DDIAS: variants seen among roughly 807,000 people sequenced by gnomAD.
DDIAS encodes DNA damage-induced apoptosis suppressor protein.
In DDIAS, 14 loss-of-function variants were observed where a neutral mutation model predicts 15.7. That is an observed-to-expected ratio of 0.89 (90% CI 0.59 to 1.39). The LOEUF (loss-of-function observed/expected upper bound fraction) is 1.39. Ranked by LOEUF, DDIAS falls within the 40% of genes most tolerant of loss-of-function variation. DDIAS has a pLI of 0.00. For missense variants in DDIAS, 1,035 were observed against 1,130.9 expected (o/e 0.92, Z 1.22); for synonymous variants, 355 against 395.9 (o/e 0.90, Z 1.23).
In DDIAS at chr11:82,929,046, T is replaced by C. The variant is rs533541240; in HGVS notation, c.275+108T>C. 6.9e-5 allele frequency: 87 copies of C among 1,254,758 alleles called. No homozygotes were observed. In the African/African-American group the frequency reaches 1.1e-3, roughly 16 times the overall value. 77.7% of individuals were successfully genotyped at this position (1,254,758 alleles called of 1,614,324 possible). A position where few individuals can be genotyped will look rare whatever the true frequency, so the allele number is the denominator to read the frequency against. Reference sequence around the variant, plus strand: ...AGAAAGATAATCATTCAACCCCAGATTGTCAATTCCTTTAAAAGACAAGCA... The same window carrying C: ...AGAAAGATAATCATTCAACCCCAGACTGTCAATTCCTTTAAAAGACAAGCA... On this transcript the variant is annotated intron_variant, in intron 4 of 5. Coordinates refer to ENST00000533655, the MANE Select transcript of DDIAS (RefSeq NM_145018.4).
intron 3 of DDIAS, among the ~76,000 whole-genome samples, chr11:82,927,679 T>C (rs898904132): frequency 6.6e-6 from 1 of 152,192 alleles, no homozygotes; most frequent in Non-Finnish European, 1.5e-5. Flanking sequence ...TTAACCTAAC[T>C]GAGGGGTGGA....
intron 1 of DDIAS, among the ~76,000 whole-genome samples, chr11:82,905,856 A>G (rs1018872428): frequency 1.3e-5 from 2 of 152,204 alleles, no homozygotes; most frequent in African/African-American, 4.8e-5. Context: ...ATGGAGCTGA[A>G]AGAAATGTAA....
At chr11:82,923,862 T>C (rs1860806152) in intron 3 of DDIAS, among the ~76,000 whole-genome samples, 1 of 152,164 alleles carries the variant, frequency 6.6e-6, no homozygotes, top group Non-Finnish European at 1.5e-5. Flanking sequence ...TATGAAGCAG[T>C]AACTACACAT....
intron 1 of DDIAS, among the ~76,000 whole-genome samples, chr11:82,909,709 G>A (rs1860489475): frequency 1.3e-5 from 2 of 152,088 alleles, no homozygotes; most frequent in African/African-American, 4.8e-5. Flanking sequence ...CTTTGAGATT[G>A]CCATGTAGCC....
At position 82,915,852 on chromosome 11, in the gene DDIAS, T is replaced by G. The variant is rs139824858; in HGVS notation, c.113+1001T>G. Among the ~76,000 whole-genome samples the G allele has an allele frequency of 7.9e-5, 12 of 152,212 alleles. 1 individual carries two copies. Among genetic ancestry groups the G allele is most frequent in the African/African-American group, 2.9e-4 (12 of 41,470 alleles). On this transcript the variant is annotated intron_variant, in intron 3 of 5. Transcript: ENST00000533655. ...GGGCTATTTGCCTTTCATCAAAATC[T>G]GTACTTAGAAGCAGTGTGGTATACA...
chr11:82,915,967 T>C (rs890911347), intron 3 of DDIAS, among the ~76,000 whole-genome samples: 1 of 152,214 alleles, frequency 6.6e-6, no homozygotes, highest in Non-Finnish European at 1.5e-5. Flanking sequence ...ATCAACGTTA[T>C]AATGATGTTG....
intron 1 of DDIAS, chr11:82,909,149 C>T (rs779972268): frequency 8.5e-5 from 13 of 152,230 alleles, no homozygotes; most frequent in Non-Finnish European, 1.8e-4. Context: ...TGCTGGCTGC[C>T]CATTTTTATG....
chr11:82,902,114 T>C (rs1341310070), intron 1 of DDIAS, among the ~76,000 whole-genome samples: 2 of 152,226 alleles, frequency 1.3e-5, no homozygotes, highest in African/African-American at 4.8e-5. Context: ...GGCGCGACTC[T>C]TGCTTCTGTA....
chr11:82,902,517 C>T (rs1287818954), intron 1 of DDIAS, among the ~76,000 whole-genome samples: 2 of 151,958 alleles, frequency 1.3e-5, no homozygotes, highest in Non-Finnish European at 2.9e-5. Flanking sequence ...ACCTTTCAGT[C>T]GCTCCTATTT....
intron 3 of DDIAS, among the ~76,000 whole-genome samples, chr11:82,917,350 T>C (rs1181012521): frequency 2.6e-5 from 4 of 152,010 alleles, no homozygotes; most frequent in African/African-American, 9.7e-5. Context: ...TCTTATGCTT[T>C]TGCATCCTCA....
Position 82,930,163 on chromosome 11 carries a change from T to G in DDIAS, c.282T>G (p.Ile94Met). Reference protein sequence around the residue: ...GLTATGLHRYIQDPNKIPETL... With the variant: ...GLTATGLHRYMQDPNKIPETL... ...TACTTTTTTTCCAATCAAGGTACAT[T>G]CAGGATCCTAATAAAATTCCAGAAA... The change falls in exon 5 of 6, where the codon ATT (isoleucine) becomes ATG (methionine). Residue 94 changes from isoleucine (I) to methionine (M), a missense_variant. Physicochemically the swap from Ile to Met is conservative, Grantham distance 10 (BLOSUM62 1). Transcript: ENST00000533655. The G allele has an allele frequency of 6.4e-7, 1 of 1,564,292 alleles. No individual in the cohort carries two copies. Among genetic ancestry groups the G allele is most frequent in the South Asian group, 1.2e-5 (1 of 86,870 alleles).
intron 5 of DDIAS, 133 bp downstream of exon 5, chr11:82,930,407 A>T (rs1860957948): frequency 3.1e-6 from 2 of 644,752 alleles, no homozygotes; most frequent in African/African-American, 3.8e-5. Flanking sequence ...CTATGTAAAA[A>T]TAGCCTATAG....
At chr11:82,921,253 G>T (rs934051112) in intron 3 of DDIAS, among the ~76,000 whole-genome samples, 1 of 152,134 alleles carries the variant, frequency 6.6e-6, no homozygotes, top group African/African-American at 2.4e-5. Context: ...TGATGTTTAT[G>T]TGAGTCCTTA....
intron 1 of DDIAS, among the ~76,000 whole-genome samples, chr11:82,908,145 C>T (rs748215161): frequency 4.6e-5 from 7 of 152,094 alleles, no homozygotes; most frequent in Non-Finnish European, 7.4e-5. Context: ...AATAAAGAAC[C>T]GACTATTCCA....
intron 1 of DDIAS, among the ~76,000 whole-genome samples, chr11:82,906,045 T>TAG (rs1321508278): frequency 6.6e-6 from 1 of 151,944 alleles, no homozygotes; most frequent in African/African-American, 2.4e-5. Context: ...AGTCAAGCAG[T>TAG]AGAGAGAGAC....
Position 82,930,256 on chromosome 11 carries a change from C to G in DDIAS, c.375C>G (p.Ser125Arg). 2 of 1,580,754 alleles carry G rather than the reference C, an allele frequency of 1.3e-6. No individual in the cohort carries two copies. The highest frequency in any genetic ancestry group is 1.7e-6 in the Non-Finnish European group (2 of 1,155,146). ...TTGAAACTTGCTTTGTTGGACAAAG[C>G]TTTATTTTTGGAGTGACGGTAATTG... ...KAVETCFVGQ[S>R]FIFGVTNFEN... The change falls in exon 5 of 6, where the codon AGC (serine) becomes AGG (arginine). Residue 125 changes from serine to arginine, a missense_variant. Ser to Arg is a moderately radical substitution (Grantham distance 110, BLOSUM62 -1). Coordinates refer to ENST00000533655, the MANE Select transcript of DDIAS (RefSeq NM_145018.4).
chr11:82,932,241 T>A lies in DDIAS; in HGVS notation c.903T>A (p.Tyr301Ter). 1 of 1,613,732 alleles carries A rather than the reference T, an allele frequency of 6.2e-7. No individual in the cohort carries two copies. Among genetic ancestry groups the A allele is most frequent in the South Asian group, 1.1e-5 (1 of 91,004 alleles). Residue 301 changes from tyrosine to a stop codon, truncating the protein, a stop_gained, in exon 6 of 6, where the codon TAT (tyrosine) becomes TAA (stop). Coordinates refer to ENST00000533655, the MANE Select transcript of DDIAS (RefSeq NM_145018.4). LOFTEE classifies it low-confidence loss of function (END_TRUNC). Reference protein sequence around the residue: ...PIQDSWSLVSYMDKKSTAEKL... With the variant: ...PIQDSWSLVS ...AGGATTCATGGAGCCTTGTTTCATA[T>A]ATGGATAAAAAGAGTACAGCAGAAA... is the stretch of plus-strand genomic sequence containing the variant.
At position 82,932,814 on chromosome 11, in the gene DDIAS, A is replaced by G; in HGVS notation, c.1476A>G (p.Lys492=). 1 of 1,613,716 alleles carries G rather than the reference A, an allele frequency of 6.2e-7. No individual in the cohort carries two copies. The highest frequency in any genetic ancestry group is 8.5e-7 in the Non-Finnish European group (1 of 1,180,028). Residue 492 remains lysine, a synonymous_variant, in exon 6 of 6, where the codon AAA becomes AAG. Coordinates refer to ENST00000533655, the MANE Select transcript of DDIAS (RefSeq NM_145018.4). ...SQVIVKANCS[K]DDFLFNCKGN... Reference sequence around the variant, plus strand: ...TAATAGTCAAAGCAAACTGTAGCAAAGATGACTTCCTTTTCAACTGTAAAG... The same window carrying G: ...TAATAGTCAAAGCAAACTGTAGCAAGGATGACTTCCTTTTCAACTGTAAAG...
At position 82,934,501 on chromosome 11, in the gene DDIAS, T is replaced by TC; in HGVS notation, c.*170dup. 2 of 632,632 alleles carry TC rather than the reference T, an allele frequency of 3.2e-6. No individual in the cohort carries two copies. Among genetic ancestry groups the TC allele is most frequent in the Non-Finnish European group, 5.0e-6 (2 of 396,044 alleles). 39.2% of individuals were successfully genotyped at this position (632,632 alleles called of 1,614,324 possible). On this transcript the variant is annotated 3_prime_UTR_variant, in exon 6 of 6. Transcript: ENST00000533655. ...CTTTTAAAATATAAAGCCATTGTTTTCCCCAGGGTTTTATCTAGAATACTA... is the reference window on the plus strand; with the variant it reads ...CTTTTAAAATATAAAGCCATTGTTTTCCCCCAGGGTTTTATCTAGAATACTA...
Sources: allele counts gnomAD v4.1 joint callset (sites outside exome capture counted in the v4.1 genomes callset), GRCh38; gene constraint gnomAD v4.1.1; transcripts MANE v1.5; gene names NCBI Gene and HGNC (gene_info 2026-07-23, HGNC 2026-07-21).